ADIPOR2: variants seen among roughly 807,000 people sequenced by gnomAD.
ADIPOR2 encodes adiponectin receptor 2.
ADIPOR2 carries 18 observed loss-of-function variants against 40.9 expected under a neutral mutation model. The ratio of observed to expected loss-of-function variants is 0.44; its 90% CI spans 0.30 to 0.65. The LOEUF is 0.65. Among genes scored for constraint, ADIPOR2 ranks in the 30% least tolerant of loss-of-function variants. The pLI is 0.09. For missense variants in ADIPOR2, 283 were observed against 479.2 expected, an observed-to-expected ratio of 0.59 and a Z score of 3.82; for synonymous variants, 165 against 166.4, an observed-to-expected ratio of 0.99 and a Z score of 0.06.
intron 1 of ADIPOR2, among the ~76,000 whole-genome samples, chr12:1,730,485 C>T (rs1285226631): frequency 2.0e-5 from 3 of 151,740 alleles, no homozygotes; most frequent in Non-Finnish European, 2.9e-5. Flanking sequence ...GGCGCGGTGG[C>T]GGGCGCCTGT....
intron 2 of ADIPOR2, among the ~76,000 whole-genome samples, chr12:1,765,645 C>G (rs945875582): frequency 1.3e-5 from 2 of 152,182 alleles, no homozygotes; most frequent in Non-Finnish European, 2.9e-5. Flanking sequence ...TTGAAGTTAT[C>G]CACATATCTC....
intron 1 of ADIPOR2, among the ~76,000 whole-genome samples, chr12:1,712,440 A>G (rs2094679412): frequency 6.6e-6 from 1 of 152,128 alleles, no homozygotes; most frequent in African/African-American, 2.4e-5. Context: ...ATAGCCTCTG[A>G]TATAAGACGG....
intron 2 of ADIPOR2, among the ~76,000 whole-genome samples, chr12:1,771,138 C>T (rs1238835176): frequency 6.6e-6 from 1 of 151,624 alleles, no homozygotes; most frequent in Non-Finnish European, 1.5e-5. Flanking sequence ...GCCTGAGCAA[C>T]ACAGACCTCG....
intron 3 of ADIPOR2, among the ~76,000 whole-genome samples, chr12:1,776,695 C>T (rs148328961): frequency 5.3e-5 from 8 of 152,120 alleles, no homozygotes; most frequent in Non-Finnish European, 8.8e-5. Flanking sequence ...CATGAGGAAA[C>T]GGGAGGAAAG....
intron 2 of ADIPOR2, among the ~76,000 whole-genome samples, chr12:1,768,259 C>A (rs1017815520): frequency 6.6e-6 from 1 of 152,090 alleles, no homozygotes; most frequent in African/African-American, 2.4e-5. Context: ...CATTTAAATA[C>A]CTCATTTATG....
At chr12:1,697,036 TTC>T (rs1301172916) in intron 1 of ADIPOR2, 1 of 152,250 alleles carries the variant, frequency 6.6e-6, no homozygotes, top group Non-Finnish European at 1.5e-5. Flanking sequence ...TTTCTGTTAC[TTC>T]TCTGTGGTGC....
rs117228507 is a variant in ADIPOR2 at position 1,720,622 on chromosome 12, G to A, written c.-87+29431G>A. Among the ~76,000 whole-genome samples, 83 of 152,178 alleles carry A rather than the reference G, an allele frequency of 5.5e-4. No individual in the cohort carries two copies. In the East Asian group the frequency reaches 0.012, roughly 22 times the overall value. ...GCTTCTATGAGAATCTAATGCCACC[G>A]CTGATTTTACAGGAGGCGGAGCTCA... is the stretch of plus-strand genomic sequence containing the variant. On this transcript the variant is annotated intron_variant, in intron 1 of 7. Coordinates refer to ENST00000357103, the MANE Select transcript of ADIPOR2 (RefSeq NM_024551.3).
At chr12:1,763,561 G>A (rs1862313036) in intron 2 of ADIPOR2, among the ~76,000 whole-genome samples, 3 of 151,412 alleles carry the variant, frequency 2.0e-5, no homozygotes, top group Non-Finnish European at 2.9e-5. Context: ...TATATCAAAA[G>A]GACAAAGTTA....
chr12:1,733,814 G>T (rs868269112), intron 1 of ADIPOR2, among the ~76,000 whole-genome samples: 4 of 140,534 alleles, frequency 2.8e-5, no homozygotes, highest in Non-Finnish European at 4.5e-5. Flanking sequence ...GTGTCCATGT[G>T]TTCTCATTGT....
At chr12:1,770,436 T>C (rs1862474445) in intron 2 of ADIPOR2, among the ~76,000 whole-genome samples, 1 of 152,256 alleles carries the variant, frequency 6.6e-6, no homozygotes. Flanking sequence ...ATGTTGAATA[T>C]GTGCAAATAT....
chr12:1,732,421 C>A (rs188207762), intron 1 of ADIPOR2, among the ~76,000 whole-genome samples: 95 of 152,294 alleles, frequency 6.2e-4, no homozygotes, highest in African/African-American at 2.2e-3. Flanking sequence ...GTAATCTTTT[C>A]AGATTGATTT....
intron 1 of ADIPOR2, among the ~76,000 whole-genome samples, chr12:1,710,796 C>T (rs1295902387): frequency 1.3e-5 from 2 of 152,060 alleles, no homozygotes; most frequent in Non-Finnish European, 2.9e-5. Context: ...TGGGTCGGTC[C>T]AGGGGTCCTT....
intron 1 of ADIPOR2, among the ~76,000 whole-genome samples, chr12:1,712,815 C>T (rs2094680253): frequency 6.6e-6 from 1 of 152,236 alleles, no homozygotes; most frequent in Admixed American, 6.5e-5. Context: ...GAGGATAAGC[C>T]AGTATAGGCT....
chr12:1,720,649 G>A (rs2094696111), intron 1 of ADIPOR2, among the ~76,000 whole-genome samples: 1 of 152,128 alleles, frequency 6.6e-6, no homozygotes, highest in African/African-American at 2.4e-5. Flanking sequence ...CGGAGCTCAG[G>A]TGGTAATGCA....
At chr12:1,785,437 AC>A (rs1388867756) in intron 7 of ADIPOR2, among the ~76,000 whole-genome samples, 9 of 152,224 alleles carry the variant, frequency 5.9e-5, no homozygotes, top group African/African-American at 2.2e-4. Context: ...CATTCCACAC[AC>A]CATCCTGGAA....
chr12:1,713,565 G>T (rs1470018211), intron 1 of ADIPOR2, among the ~76,000 whole-genome samples: 1 of 151,976 alleles, frequency 6.6e-6, no homozygotes, highest in South Asian at 2.1e-4. Flanking sequence ...CAATGCCCAG[G>T]CTTCAGGGTT....
intron 1 of ADIPOR2, among the ~76,000 whole-genome samples, chr12:1,739,344 T>C (rs1375436150): frequency 1.3e-5 from 2 of 152,234 alleles, no homozygotes; most frequent in African/African-American, 2.4e-5. Flanking sequence ...GCTGTGTAAA[T>C]TGTAGCTATG....
chr12:1,699,442 A>G lies in ADIPOR2; in HGVS notation c.-87+8251A>G, dbSNP rs1301698597. ...AGACCAGCCTGGCCAACATGGCGAA[A>G]CCCCCGTCTCTACTGAAAATACTAA... On this transcript the variant is annotated intron_variant, in intron 1 of 7. Transcript: ENST00000357103. 2.0e-5 allele frequency among the ~76,000 whole-genome samples: 3 copies of G among 152,210 alleles called. No homozygotes were observed. In the East Asian group the frequency reaches 5.8e-4, roughly 29 times the overall value.
At chr12:1,728,188 C>T (rs2154442408) in intron 1 of ADIPOR2, among the ~76,000 whole-genome samples, 2 of 151,916 alleles carry the variant, frequency 1.3e-5, no homozygotes, top group Middle Eastern at 6.8e-3. Context: ...TCTCAGCTCA[C>T]TGCAACTTCC....
Sources: allele counts gnomAD v4.1 joint callset (sites outside exome capture counted in the v4.1 genomes callset), GRCh38; gene constraint gnomAD v4.1.1; transcripts MANE v1.5; gene names NCBI Gene and HGNC (gene_info 2026-07-23, HGNC 2026-07-21).